Variants in PLCB1 observed in about 807,000 individuals in gnomAD.
The protein encoded by PLCB1 is 1-phosphatidylinositol 4,5-bisphosphate phosphodiesterase beta-1.
PLCB1 carries 46 observed loss-of-function variants against 161.8 expected under a neutral mutation model. The ratio of observed to expected loss-of-function variants is 0.28; its 90% CI spans 0.22 to 0.36. The LOEUF is 0.36. Among genes scored for constraint, PLCB1 ranks in the 10% least tolerant of loss-of-function variants. The pLI, the probability that PLCB1 is intolerant of heterozygous loss-of-function variation, is 1.00. For missense variants in PLCB1, 1,016 were observed against 1,472.5 expected (o/e 0.69, Z 5.07); for synonymous variants, 517 against 503.7 (o/e 1.03, Z -0.35).
intron 27 of PLCB1, among the ~76,000 whole-genome samples, chr20:8,785,777 A>T (rs1983453438): frequency 6.6e-6 from 1 of 152,176 alleles, no homozygotes. Flanking sequence ...GCTGCTGAGG[A>T]TAAAGGCAGT....
chr20:8,790,345 A>G, intron 31 of PLCB1, 84 bp downstream of exon 31: 1 of 957,676 alleles, frequency 1.0e-6, no homozygotes, highest in South Asian at 1.4e-5. Context: ...TTACATAAGT[A>G]CCTTGTACAC....
chr20:8,690,050 A>G (rs1251418774), intron 10 of PLCB1, among the ~76,000 whole-genome samples: 1 of 148,790 alleles, frequency 6.7e-6, no homozygotes, highest in African/African-American at 2.5e-5. Flanking sequence ...TTTAATTTCT[A>G]GTACTGTTAG....
chr20:8,143,920 G>A (rs1329538797), intron 1 of PLCB1, among the ~76,000 whole-genome samples: 1 of 152,160 alleles, frequency 6.6e-6, no homozygotes, highest in Non-Finnish European at 1.5e-5. Context: ...AGTCTGGCCT[G>A]TGTATTATAC....
chr20:8,240,766 G>A (rs1291680742), intron 2 of PLCB1, among the ~76,000 whole-genome samples: 1 of 151,938 alleles, frequency 6.6e-6, no homozygotes, highest in Non-Finnish European at 1.5e-5. Flanking sequence ...TTAGGAACTA[G>A]AAATCAAATA....
At chr20:8,292,653 G>T (rs575423892) in intron 2 of PLCB1, among the ~76,000 whole-genome samples, 1 of 151,966 alleles carries the variant, frequency 6.6e-6, no homozygotes, top group Admixed American at 6.6e-5. Flanking sequence ...TTAAAGAATC[G>T]GTTATGAGAT....
chr20:8,605,331 A>G (rs1030159434), intron 3 of PLCB1, among the ~76,000 whole-genome samples: 2 of 152,216 alleles, frequency 1.3e-5, no homozygotes, highest in South Asian at 2.1e-4. Flanking sequence ...TACAATATCA[A>G]TATCATTTGA....
chr20:8,161,269 C>T (rs183631271), intron 2 of PLCB1, among the ~76,000 whole-genome samples: 4 of 152,074 alleles, frequency 2.6e-5, no homozygotes, highest in Admixed American at 1.3e-4. Context: ...TGTCTATATG[C>T]CGTGCTACAT....
At chr20:8,645,158 G>A (rs1422805447) in intron 4 of PLCB1, among the ~76,000 whole-genome samples, 1 of 148,244 alleles carries the variant, frequency 6.7e-6, no homozygotes, top group East Asian at 2.0e-4. Flanking sequence ...CTAATCTCAA[G>A]TACCCAGGGA....
chr20:8,629,963 C>CTTCCTTCT (rs1988516337), intron 4 of PLCB1, among the ~76,000 whole-genome samples: 1 of 111,070 alleles, frequency 9.0e-6, no homozygotes, highest in African/African-American at 4.0e-5. Flanking sequence ...TTCTTTCTTT[C>CTTCCTTCT]TTCTTTCTTT....
At chr20:8,444,172 A>G (rs376523162) in intron 3 of PLCB1, among the ~76,000 whole-genome samples, 1 of 151,804 alleles carries the variant, frequency 6.6e-6, no homozygotes, top group Non-Finnish European at 1.5e-5. Context: ...TATATCCCCT[A>G]ATGCTATCCC....
chr20:8,455,432 CT>C (rs1175763739), intron 3 of PLCB1, among the ~76,000 whole-genome samples: 765 of 74,070 alleles, frequency 0.01, 3 homozygotes, highest in African/African-American at 0.038. Flanking sequence ...TATTCTTCCT[CT>C]TTTTTTTTTT....
At chr20:8,859,783 T>C (rs1342295985) in intron 31 of PLCB1, among the ~76,000 whole-genome samples, 1 of 152,018 alleles carries the variant, frequency 6.6e-6, no homozygotes, top group Non-Finnish European at 1.5e-5. Context: ...ACTGAATAAA[T>C]GTTTTCTAGA....
chr20:8,714,001 A>T (rs2123461474), intron 12 of PLCB1, among the ~76,000 whole-genome samples: 1 of 152,288 alleles, frequency 6.6e-6, no homozygotes, highest in South Asian at 2.1e-4. Context: ...GCATTCAGGT[A>T]AAATGCCCTG....
chr20:8,768,838 AAAAC>A (rs1982516314), intron 26 of PLCB1, among the ~76,000 whole-genome samples: 1 of 152,230 alleles, frequency 6.6e-6, no homozygotes, highest in African/African-American at 2.4e-5. Flanking sequence ...TCTATACAAC[AAAAC>A]AAACAGATGC....
intron 14 of PLCB1, among the ~76,000 whole-genome samples, chr20:8,721,581 A>C (rs1157131851): frequency 6.6e-6 from 1 of 152,188 alleles, no homozygotes; most frequent in Admixed American, 6.5e-5. Flanking sequence ...TATGAAGCTG[A>C]ATTATTTCTG....
chr20:8,734,341 C>T (rs969689817), intron 19 of PLCB1, among the ~76,000 whole-genome samples: 13 of 151,686 alleles, frequency 8.6e-5, no homozygotes, highest in South Asian at 2.1e-4. Context: ...AGAGATTTTC[C>T]GGTCTTTTTT....
intron 3 of PLCB1, among the ~76,000 whole-genome samples, chr20:8,557,977 A>G: frequency 6.6e-6 from 1 of 151,922 alleles, no homozygotes; most frequent in Non-Finnish European, 1.5e-5. Flanking sequence ...AAGACTTTAA[A>G]TCAACTCTTA....
chr20:8,407,135 T>C (rs568315615), intron 3 of PLCB1, among the ~76,000 whole-genome samples: 12 of 152,342 alleles, frequency 7.9e-5, no homozygotes, highest in African/African-American at 2.9e-4. Flanking sequence ...ATGCATAGCT[T>C]AATTTAACAA....
intron 3 of PLCB1, among the ~76,000 whole-genome samples, chr20:8,571,424 G>A (rs1420417260): frequency 6.6e-6 from 1 of 152,182 alleles, no homozygotes; most frequent in East Asian, 1.9e-4. Flanking sequence ...AGAGGCTGCA[G>A]TGAGCTGAGA....
Sources: gnomAD v4.1 joint callset for allele counts (sites outside exome capture counted in the v4.1 genomes callset) on GRCh38, gnomAD v4.1.1 for gene constraint, MANE v1.5 for transcripts, NCBI Gene and HGNC (gene_info 2026-07-23, HGNC 2026-07-21) for gene names.